Variants in ZNF385D observed in about 807,000 individuals in gnomAD.
ZNF385D encodes zinc finger protein 659.
A neutral mutation model predicts 35.8 loss-of-function variants in ZNF385D; 15 were observed. The observed-to-expected ratio is 0.42, with a 90% CI of 0.28 to 0.64. The LOEUF (loss-of-function observed/expected upper bound fraction) is 0.64, where lower values mean the gene tolerates loss of function less well. Among genes scored for constraint, ZNF385D ranks in the 30% least tolerant of loss-of-function variants. ZNF385D has a pLI of 0.23. For synonymous variants in ZNF385D, 212 were observed against 186.8 expected, an observed-to-expected ratio of 1.13 and a Z score of -1.10; for missense variants, 474 against 494.6, an observed-to-expected ratio of 0.96 and a Z score of 0.39.
At chr3:22,122,445 T>A (rs1460796968) in intron 3 of ZNF385D, among the ~76,000 whole-genome samples, 1 of 152,166 alleles carries the variant, frequency 6.6e-6, no homozygotes, top group Non-Finnish European at 1.5e-5. Flanking sequence ...AAATGAAATA[T>A]TGTCTACTAT....
intron 2 of ZNF385D, among the ~76,000 whole-genome samples, chr3:22,305,509 T>C (rs1023537802): frequency 2.6e-5 from 4 of 152,176 alleles, no homozygotes; most frequent in African/African-American, 9.7e-5. Flanking sequence ...CGTTGGGCTC[T>C]GCTTCATGTC....
At chr3:22,342,478 TCTC>T (rs952819898) in intron 2 of ZNF385D, among the ~76,000 whole-genome samples, 34 of 152,164 alleles carry the variant, frequency 2.2e-4, no homozygotes, top group African/African-American at 6.7e-4. Flanking sequence ...TCTAGAATTG[TCTC>T]CTTTTTCATC....
chr3:21,920,178 G>T (rs189928414), intron 3 of ZNF385D, among the ~76,000 whole-genome samples: 1 of 152,226 alleles, frequency 6.6e-6, no homozygotes, highest in East Asian at 1.9e-4. Flanking sequence ...GTACCATCTG[G>T]CCATTTAGAG....
intron 3 of ZNF385D, among the ~76,000 whole-genome samples, chr3:22,109,906 A>C (rs1276084936): frequency 6.6e-6 from 1 of 152,204 alleles, no homozygotes; most frequent in South Asian, 2.1e-4. Context: ...TCATCTGACA[A>C]ATATCCAGAA....
intron 3 of ZNF385D, among the ~76,000 whole-genome samples, chr3:21,970,177 CAAGCATTAAAACCATCCAGG>C (rs893428875): frequency 6.6e-6 from 1 of 152,078 alleles, no homozygotes; most frequent in African/African-American, 2.4e-5. Flanking sequence ...ATAACACTGA[CAAGCATTAAAACCATCCAGG>C]AAAACGTGAC....
chr3:22,186,565 G>C (rs1451026223), intron 2 of ZNF385D, among the ~76,000 whole-genome samples: 2 of 152,076 alleles, frequency 1.3e-5, no homozygotes, highest in Non-Finnish European at 2.9e-5. Flanking sequence ...CTGATTTCAT[G>C]ACCATCATGC....
intron 2 of ZNF385D, among the ~76,000 whole-genome samples, chr3:21,572,895 G>T (rs924690702): frequency 2.0e-5 from 3 of 152,064 alleles, no homozygotes; most frequent in African/African-American, 7.2e-5. Context: ...CTGCCCATAA[G>T]GACTTATATG....
At chr3:21,672,579 C>G (rs539037215) in intron 1 of ZNF385D, among the ~76,000 whole-genome samples, 16 of 152,186 alleles carry the variant, frequency 1.1e-4, no homozygotes, top group African/African-American at 3.6e-4. Context: ...AACATTTGCC[C>G]ATGTCAATGG....
chr3:22,255,302 C>T (rs565849857), intron 2 of ZNF385D, among the ~76,000 whole-genome samples: 46 of 149,616 alleles, frequency 3.1e-4, no homozygotes, highest in African/African-American at 1.0e-3. Context: ...CTAAAATATG[C>T]TTTTTTAACC....
intron 3 of ZNF385D, among the ~76,000 whole-genome samples, chr3:21,830,523 T>C (rs1694923923): frequency 6.6e-6 from 1 of 152,222 alleles, no homozygotes; most frequent in Admixed American, 6.5e-5. Flanking sequence ...GGTTGTTTGC[T>C]ATTAAATTGA....
At chr3:21,839,051 TA>T (rs1157639980) in intron 3 of ZNF385D, among the ~76,000 whole-genome samples, 5 of 152,038 alleles carry the variant, frequency 3.3e-5, no homozygotes, top group African/African-American at 1.2e-4. Flanking sequence ...TTTTTAATAA[TA>T]ATTAAAGGTT....
At chr3:21,684,458 T>G (rs2067039496) in intron 1 of ZNF385D, among the ~76,000 whole-genome samples, 1 of 147,726 alleles carries the variant, frequency 6.8e-6, no homozygotes, top group Non-Finnish European at 1.5e-5. Flanking sequence ...CTTTCGTAGC[T>G]TTACATTCTT....
At position 22,291,145 on chromosome 3, in the gene ZNF385D, A is replaced by G. The variant is rs192206169; in HGVS notation, c.106+81305T>C. On this transcript the variant is annotated intron_variant, in intron 2 of 5. Coordinates refer to the ZNF385D transcript ENST00000494108. The stretch of plus-strand genomic sequence containing the variant: ...AGGGCACAAAAATTCAGTCCATAAT[A>G]CTCCCTCTTCCTCTATTTACCATTA... Among the ~76,000 whole-genome samples the G allele has an allele frequency of 2.6e-5, 4 of 151,660 alleles. No homozygotes were observed. The East Asian group carries it at 7.8e-4, about 30-fold the overall frequency.
At chr3:22,032,365 A>G (rs1698050956) in intron 3 of ZNF385D, among the ~76,000 whole-genome samples, 2 of 152,190 alleles carry the variant, frequency 1.3e-5, no homozygotes, top group Non-Finnish European at 2.9e-5. Flanking sequence ...GAGAGAGAAG[A>G]GCAAGAGAGC....
chr3:22,259,633 A>G (rs940383031), intron 2 of ZNF385D, among the ~76,000 whole-genome samples: 4 of 152,028 alleles, frequency 2.6e-5, no homozygotes, highest in Admixed American at 2.0e-4. Flanking sequence ...ATTTAACAAA[A>G]TAAATAATTT....
chr3:21,776,787 C>G (rs1228932761), intron 3 of ZNF385D, among the ~76,000 whole-genome samples: 1 of 151,884 alleles, frequency 6.6e-6, no homozygotes, highest in East Asian at 1.9e-4. Context: ...CAAAAAGAAA[C>G]ATTATTCTTT....
chr3:22,279,163 A>G (rs944911261), intron 2 of ZNF385D, among the ~76,000 whole-genome samples: 3 of 151,996 alleles, frequency 2.0e-5, no homozygotes, highest in Admixed American at 6.6e-5. Context: ...GGTTACATGA[A>G]TAAGTTATTT....
chr3:22,153,243 C>A (rs977956694), intron 3 of ZNF385D, among the ~76,000 whole-genome samples: 1 of 152,026 alleles, frequency 6.6e-6, no homozygotes, highest in Non-Finnish European at 1.5e-5. Context: ...CCACTTCTGC[C>A]CTCTTAGGTA....
chr3:21,419,130 C>CCTTT lies in ZNF385D; in HGVS notation c.*2080_*2083dup, dbSNP rs1283822699. 1 of 153,552 alleles carries CCTTT rather than the reference C, an allele frequency of 6.5e-6. No individual in the cohort carries two copies. Among genetic ancestry groups the CCTTT allele is most frequent in the Non-Finnish European group, 1.5e-5 (1 of 68,498 alleles). 9.5% of individuals were successfully genotyped at this position (153,552 alleles called of 1,614,324 possible). A position where few individuals can be genotyped will look rare whatever the true frequency, so the allele number is the denominator to read the frequency against. ...GAATACTGATGGAACACATTATCTT[C>CCTTT]CTTTCTTCCTTCCTTCCTTTTCTTC... On this transcript the variant is annotated 3_prime_UTR_variant, in exon 8 of 8. Coordinates refer to ENST00000281523, the MANE Select transcript of ZNF385D (RefSeq NM_024697.3).
Sources: allele counts gnomAD v4.1 joint callset (sites outside exome capture counted in the v4.1 genomes callset), GRCh38; gene constraint gnomAD v4.1.1; transcripts MANE v1.5; gene names NCBI Gene and HGNC (gene_info 2026-07-23, HGNC 2026-07-21).